SIDT2: variants seen among roughly 807,000 people sequenced by gnomAD.
SIDT2 encodes SID1 transmembrane family member 2.
In SIDT2, 68 loss-of-function variants were observed where a neutral mutation model predicts 114.4. That is an observed-to-expected ratio of 0.59 (90% CI 0.49 to 0.73). The LOEUF is 0.73. Ranked by LOEUF, SIDT2 falls within the 30% of genes least tolerant of loss-of-function variation. SIDT2 has a pLI of 0.00. For missense variants in SIDT2, 918 were observed against 1,097.1 expected (o/e 0.84, Z 2.31); for synonymous variants, 470 against 438.4 (o/e 1.07, Z -0.90).
Position 117,190,613 on chromosome 11 carries a change from T to TC in SIDT2, c.1618-6dup, listed in dbSNP as rs1400899072. The TC allele has an allele frequency of 1.3e-6, 2 of 1,562,982 alleles. No individual in the cohort carries two copies. Among genetic ancestry groups the TC allele is most frequent in the Non-Finnish European group, 1.7e-6 (2 of 1,150,538 alleles). On this transcript the variant is annotated splice_polypyrimidine_tract_variant and intron_variant, in intron 17 of 25. Transcript: ENST00000324225. This position sits in a 1 kb window ranked among gnomAD's most constrained non-coding sequence, Gnocchi z 4.1. ...TCCTCCCTCCCTTCCCTTCTCTCTC[T>TC]CCCCAACAGGAATGTGGGATCCCCA... is the stretch of plus-strand genomic sequence containing the variant.
At position 117,186,181 on chromosome 11, in the gene SIDT2, T is replaced by G; in HGVS notation, c.920T>G (p.Phe307Cys). ...MLFCLGIFLSFYLLTVLLACW... is the reference protein window; with the variant it reads ...MLFCLGIFLSCYLLTVLLACW... Reference sequence around the variant, plus strand: ...TTTTGCCTGGGTATATTTCTCTCCTTTTACCTGCTGACCGTCCTCCTGGCC... The same window carrying G: ...TTTTGCCTGGGTATATTTCTCTCCTGTTACCTGCTGACCGTCCTCCTGGCC... Residue 307 changes from phenylalanine (F) to cysteine (C), a missense_variant, in exon 9 of 26, where the codon TTT (phenylalanine) becomes TGT (cysteine). Coordinates refer to ENST00000324225, the MANE Select transcript of SIDT2 (RefSeq NM_001040455.2). The G allele has an allele frequency of 6.2e-7, 1 of 1,614,042 alleles. No homozygotes were observed. The highest frequency in any genetic ancestry group is 8.5e-7 in the Non-Finnish European group (1 of 1,180,012).
In SIDT2 at chr11:117,193,237, C is replaced by T. The variant is rs201214809; in HGVS notation, c.2190C>T (p.Phe730=). The T allele has an allele frequency of 1.9e-5, 30 of 1,613,686 alleles. No individual in the cohort carries two copies. Among genetic ancestry groups the T allele is most frequent in the East Asian group, 1.8e-4 (8 of 44,864 alleles). The change falls in exon 23 of 26, where the codon TTC becomes TTT. Residue 730 remains phenylalanine (F), a synonymous_variant. Transcript: ENST00000324225. The part of the protein sequence containing the change: ...AIGICNLLLY[F]AFYIIMKLRS... ...GCATCTGCAACCTGCTCCTTTACTT[C>T]GCCTTCTACATCATCATGAAGGTGA...
At chr11:117,186,831 C>G (rs1215124664) in intron 10 of SIDT2, among the ~76,000 whole-genome samples, 195 bp downstream of exon 10, 3 of 152,100 alleles carry the variant, frequency 2.0e-5, no homozygotes, top group African/African-American at 7.2e-5. Context: ...ACCTCAGAGG[C>G]TGAGGTGTTG....
At chr11:117,186,490 A>AG in intron 9 of SIDT2, 94 bp from the exon 10 acceptor site, 1 of 1,222,260 alleles carries the variant, frequency 8.2e-7, no homozygotes. Flanking sequence ...CATAGCGATG[A>AG]GAGTGGAGCA....
In SIDT2 at chr11:117,189,139, T is replaced by C. The variant is rs201815606; in HGVS notation, c.1279-30T>C. The C allele has an allele frequency of 1.8e-5, 29 of 1,610,826 alleles. No individual in the cohort carries two copies. The East Asian group carries it at 6.5e-4, about 36-fold the overall frequency. On this transcript the variant is annotated intron_variant, in intron 13 of 25. Transcript: ENST00000324225. ...GGAGGGGGCTTCTCCCAAGTAGCAG[T>C]AAGTGGGGCTGATTCCAGCTTCTCC...
chr11:117,194,040 G>A lies in SIDT2; in HGVS notation c.2322+77G>A, dbSNP rs577477734. ...TTTTAAACATTGGGGCTGAGCCTGG[G>A]ATTACCTGTAATCCCAGCACTTTGG... On this transcript the variant is annotated intron_variant, in intron 24 of 25. Coordinates refer to ENST00000324225, the MANE Select transcript of SIDT2 (RefSeq NM_001040455.2). 1.8e-4 allele frequency: 221 copies of A among 1,195,114 alleles called. 3 individuals carry two copies. In the South Asian group the frequency reaches 2.5e-3, roughly 14 times the overall value. 74.0% of individuals were successfully genotyped at this position (1,195,114 alleles called of 1,614,324 possible).
Position 117,179,103 on chromosome 11 carries a change from C to G in SIDT2, c.-161C>G. On this transcript the variant is annotated 5_prime_UTR_variant, in exon 1 of 26. Coordinates refer to ENST00000324225, the MANE Select transcript of SIDT2 (RefSeq NM_001040455.2). Reference sequence around the variant, plus strand: ...GGACCCTGGGAGCCTCTTCGGGGCTCTTGGGAGGGGACATTTCCTAATCTC... The same window carrying G: ...GGACCCTGGGAGCCTCTTCGGGGCTGTTGGGAGGGGACATTTCCTAATCTC... 1.4e-6 allele frequency: 1 copy of G among 734,946 alleles called. No individual in the cohort carries two copies. The highest frequency in any genetic ancestry group is 2.7e-5 in the East Asian group (1 of 36,510). The allele number at this position is 734,946 out of a possible 1,614,324, so 45.5% of individuals were successfully genotyped here. A position where few individuals can be genotyped will look rare whatever the true frequency, so the allele number is the denominator to read the frequency against.
At chr11:117,185,177 G>C (rs140727315) in intron 8 of SIDT2, among the ~76,000 whole-genome samples, 3,641 of 152,030 alleles carry the variant, frequency 0.024, 76 homozygotes, top group South Asian at 0.098. Context: ...AGCCTACCGA[G>C]TAGCTGGGAC....
Position 117,196,224 on chromosome 11 carries a change from G to C in SIDT2, c.*158G>C. 1 of 961,100 alleles carries C rather than the reference G, an allele frequency of 1.0e-6. No individual in the cohort carries two copies. The highest frequency in any genetic ancestry group is 1.5e-6 in the Non-Finnish European group (1 of 652,264). The allele number at this position is 961,100 out of a possible 1,614,324, so 59.5% of individuals were successfully genotyped here. A position where few individuals can be genotyped will look rare whatever the true frequency, so the allele number is the denominator to read the frequency against. ...TCTAGCTTAGGCTTGGCCTGGGACA[G>C]CCATGGGGTGGCATGGAACCTTGCA... On this transcript the variant is annotated 3_prime_UTR_variant, in exon 26 of 26. Transcript: ENST00000324225. The surrounding 1 kb of genome is among the most constrained non-coding windows in gnomAD (Gnocchi z 4.9).
chr11:117,188,664 T>G lies in SIDT2; in HGVS notation c.1160-44T>G. The stretch of plus-strand genomic sequence containing the variant: ...TCAGATGGGCGAGGGCCACTGTGGG[T>G]TTTGTGTCCACCGGTGCAACCCCTC... On this transcript the variant is annotated intron_variant, in intron 12 of 25. Transcript: ENST00000324225. The surrounding 1 kb of genome is among the most constrained non-coding windows in gnomAD (Gnocchi z 4.0). 1 of 1,494,166 alleles carries G rather than the reference T, an allele frequency of 6.7e-7. No homozygotes were observed. The highest frequency in any genetic ancestry group is 9.3e-7 in the Non-Finnish European group (1 of 1,071,126). 92.6% of individuals were successfully genotyped at this position (1,494,166 alleles called of 1,614,324 possible). A position where few individuals can be genotyped will look rare whatever the true frequency, so the allele number is the denominator to read the frequency against.
chr11:117,180,062 G>A (rs2030216059), intron 1 of SIDT2, among the ~76,000 whole-genome samples: 1 of 152,210 alleles, frequency 6.6e-6, no homozygotes, highest in Admixed American at 6.5e-5. Flanking sequence ...TTCACCAGCT[G>A]TGAGTCCCTG....
intron 23 of SIDT2, 25 bp from the exon 24 acceptor site, chr11:117,193,828 G>T (rs370052259): frequency 6.4e-7 from 1 of 1,574,770 alleles, no homozygotes; most frequent in Non-Finnish European, 8.7e-7. Flanking sequence ...CCCTCAGACT[G>T]CTGTCCCTGC....
At chr11:117,195,938 C>T in intron 25 of SIDT2, 23 bp downstream of exon 25, 2 of 1,614,212 alleles carry the variant, frequency 1.2e-6, no homozygotes, top group Non-Finnish European at 1.7e-6. Context: ...CCCGGCCGAG[C>T]CGGGTGGGTA....
intron 24 of SIDT2, among the ~76,000 whole-genome samples, chr11:117,194,337 A>G (rs2030813584): frequency 6.6e-6 from 1 of 152,146 alleles, no homozygotes; most frequent in Non-Finnish European, 1.5e-5. Flanking sequence ...TCATTTGGGA[A>G]CACCTACCAT....
Position 117,188,796 on chromosome 11 carries a change from C to G in SIDT2, c.1248C>G (p.Ile416Met), listed in dbSNP as rs764332339. Residue 416 changes from isoleucine (I) to methionine (M), a missense_variant, in exon 13 of 26, where the codon ATC becomes ATG. By Grantham distance (10) the Ile-to-Met change is conservative. Coordinates refer to ENST00000324225, the MANE Select transcript of SIDT2 (RefSeq NM_001040455.2). The surrounding 1 kb of genome is among the most constrained non-coding windows in gnomAD (Gnocchi z 4.0). ...EEDDYDTLTD[I>M]DSDKNVIRTK... is the part of the protein sequence containing the mutation. ...ATGACTACGACACATTGACCGACAT[C>G]GATTCCGACAAGAATGTCATTCGCA... 15 of 1,614,042 alleles carry G rather than the reference C, an allele frequency of 9.3e-6. No homozygotes were observed. Among genetic ancestry groups the G allele is most frequent in the Non-Finnish European group, 1.2e-5 (14 of 1,180,034 alleles).
Position 117,196,095 on chromosome 11 carries a change from A to G in SIDT2, c.*29A>G. 6.2e-7 allele frequency: 1 copy of G among 1,613,854 alleles called. No homozygotes were observed. The highest frequency in any genetic ancestry group is 8.5e-7 in the Non-Finnish European group (1 of 1,179,940). On this transcript the variant is annotated 3_prime_UTR_variant, in exon 26 of 26. Coordinates refer to ENST00000324225, the MANE Select transcript of SIDT2 (RefSeq NM_001040455.2). The surrounding 1 kb of genome is among the most constrained non-coding windows in gnomAD (Gnocchi z 4.9). ...GAGCTGGGCCCTTCGCTTCACCTCA[A>G]GGGGCCCTGAGCTCCTTTGTGTCAT...
rs992169065 is a variant in SIDT2 at position 117,188,760 on chromosome 11, T to C, written c.1212T>C (p.Ser404=). ...GGCCCCGAGTGGACTCCATGAGCTC[T>C]GTGGAGGAGGATGACTACGACACAT... ...GTRPRVDSMS[S]VEEDDYDTLT... is the part of the protein sequence containing the mutation. The change falls in exon 13 of 26, where the codon TCT becomes TCC. Residue 404 remains serine (S), a synonymous_variant. Coordinates refer to ENST00000324225, the MANE Select transcript of SIDT2 (RefSeq NM_001040455.2). The surrounding 1 kb of genome is among the most constrained non-coding windows in gnomAD (Gnocchi z 4.0). 2 of 1,614,056 alleles carry C rather than the reference T, an allele frequency of 1.2e-6. No homozygotes were observed. Among genetic ancestry groups the C allele is most frequent in the South Asian group, 1.1e-5 (1 of 91,090 alleles).
intron 10 of SIDT2, 58 bp from the exon 11 acceptor site, chr11:117,187,320 C>G (rs964743988): frequency 4.9e-5 from 74 of 1,520,336 alleles, no homozygotes; most frequent in Non-Finnish European, 6.5e-5. Flanking sequence ...TGTTCTTCTC[C>G]CTGGCTCTAG....
chr11:117,179,831 G>A (rs2030199838), intron 1 of SIDT2: 1 of 177,574 alleles, frequency 5.6e-6, no homozygotes, highest in Non-Finnish European at 1.2e-5. Flanking sequence ...GAATGAGACT[G>A]GCCCAGAACT....
Sources: allele counts gnomAD v4.1 joint callset (sites outside exome capture counted in the v4.1 genomes callset), GRCh38; gene constraint gnomAD v4.1.1; non-coding constraint Gnocchi (gnomAD v3.1); transcripts MANE v1.5; gene names NCBI Gene and HGNC (gene_info 2026-07-23, HGNC 2026-07-21).